The following PROM1 variants were observed in gnomAD, a reference collection of about 807,000 sequenced individuals.
The protein encoded by PROM1 is prominin 1.
PROM1 carries 105 observed loss-of-function variants against 116.9 expected under a neutral mutation model. The observed-to-expected ratio is 0.90, with a 90% CI of 0.77 to 1.06. The LOEUF is 1.06. PROM1 is among the 50% of genes least tolerant of loss of function. The probability of loss-of-function intolerance (pLI) is 0.00; values close to 1 mark genes in which losing one functional copy is unlikely to be tolerated. For missense variants in PROM1, 1,122 were observed against 1,045.2 expected (o/e 1.07, Z -1.01); for synonymous variants, 393 against 387.0 (o/e 1.02, Z -0.18).
At chr4:16,081,922 CAAG>C (rs5856335) in intron 1 of PROM1, among the ~76,000 whole-genome samples, 102,947 of 150,048 alleles carry the variant, frequency 0.69, 35,885 homozygotes, top group Non-Finnish European at 0.77. Flanking sequence ...AAAAAAAAAA[CAAG>C]AATAAACTAA....
chr4:16,010,469 T>C (rs1193712580), intron 11 of PROM1, among the ~76,000 whole-genome samples: 1 of 152,204 alleles, frequency 6.6e-6, no homozygotes, highest in East Asian at 1.9e-4. Flanking sequence ...AATGGTAGCT[T>C]GGTCCAAAAC....
At chr4:15,969,605 G>C (rs573793939) in intron 27 of PROM1, among the ~76,000 whole-genome samples, 161 of 152,010 alleles carry the variant, frequency 1.1e-3, no homozygotes, top group African/African-American at 3.7e-3. Context: ...TTATTTTTTT[G>C]AGAGGGAGTC....
At chr4:16,080,056 G>C (rs1207257588) in intron 1 of PROM1, 1 of 143,406 alleles carries the variant, frequency 7.0e-6, no homozygotes, top group East Asian at 2.1e-4. Flanking sequence ...AGCAAACGTA[G>C]TGGTGCACAA....
In PROM1 at chr4:15,988,168, G is replaced by A. The variant is rs534059829; in HGVS notation, c.2077-452C>T. Among the ~76,000 whole-genome samples the A allele has an allele frequency of 1.5e-4, 23 of 152,204 alleles. No individual in the cohort carries two copies. The South Asian group carries it at 2.3e-3, about 15-fold the overall frequency. On this transcript the variant is annotated intron_variant, in intron 19 of 27. Transcript: ENST00000447510. ...TGGGATTACAGGTGTGAGCCACCGC[G>A]CCTGGCCAACAATGTGTACTTTCTA... is the stretch of plus-strand genomic sequence containing the variant.
intron 26 of PROM1, among the ~76,000 whole-genome samples, chr4:15,973,804 T>C (rs886142659): frequency 2.0e-5 from 3 of 152,152 alleles, no homozygotes; most frequent in Admixed American, 6.5e-5. Flanking sequence ...GCTCAAATCA[T>C]AGCTTGGCCC....
intron 1 of PROM1, among the ~76,000 whole-genome samples, chr4:16,079,095 T>G (rs1405019863): frequency 6.6e-6 from 1 of 152,130 alleles, no homozygotes; most frequent in Non-Finnish European, 1.5e-5. Context: ...CTTGGTTTTT[T>G]TTTTTGCTAA....
intron 2 of PROM1, among the ~76,000 whole-genome samples, chr4:16,041,763 T>A (rs13140068): frequency 0.33 from 19,518 of 59,770 alleles, 1,859 homozygotes; most frequent in Middle Eastern, 0.47. Context: ...AATAAATAAA[T>A]AAATAAATAA....
At chr4:15,998,337 G>T in intron 15 of PROM1, 48 bp downstream of exon 15, 1 of 1,486,814 alleles carries the variant, frequency 6.7e-7, no homozygotes. Flanking sequence ...TCTCATTCCA[G>T]AAAAAGAACA....
At chr4:16,005,078 T>G (rs1470509625) in intron 13 of PROM1, among the ~76,000 whole-genome samples, 1 of 150,718 alleles carries the variant, frequency 6.6e-6, no homozygotes, top group African/African-American at 2.4e-5. Flanking sequence ...TTCTCGTGCC[T>G]CAGCCTCCCA....
chr4:16,040,082 T>A (rs1734854891), intron 2 of PROM1, among the ~76,000 whole-genome samples: 1 of 152,138 alleles, frequency 6.6e-6, no homozygotes. Flanking sequence ...TATCACTATA[T>A]CCATCACGCC....
Position 16,035,763 on chromosome 4 carries a change from TG to T in PROM1, c.277-3del. 1.2e-6 allele frequency: 2 copies of T among 1,613,530 alleles called. No homozygotes were observed. The highest frequency in any genetic ancestry group is 1.7e-6 in the Non-Finnish European group (2 of 1,179,558). ...TAGACCTAAGATTACAGTTTCTGGCTGTAGAAGTCAACGCAGGTGAGGAATT... is the reference window on the plus strand; with the variant it reads ...TAGACCTAAGATTACAGTTTCTGGCTTAGAAGTCAACGCAGGTGAGGAATT... On this transcript the variant is annotated splice_polypyrimidine_tract_variant and splice_region_variant and intron_variant, in intron 3 of 27. Transcript: ENST00000447510.
rs572591981 is a variant in PROM1 at position 16,025,435 on chromosome 4, C to T, written c.510-123G>A. On this transcript the variant is annotated intron_variant, in intron 5 of 27. Transcript: ENST00000447510. The stretch of plus-strand genomic sequence containing the variant: ...GCAGAAGGACTGGCCTTTCCTCTCC[C>T]GCTGCCCTCTCCTCCCACATCCTTC... The T allele has an allele frequency of 8.0e-4, 955 of 1,198,776 alleles. 2 individuals are homozygous for T. The highest frequency in any genetic ancestry group is 1.0e-3 in the Non-Finnish European group (886 of 863,116). The allele number at this position is 1,198,776 out of a possible 1,614,324, so 74.3% of individuals were successfully genotyped here.
At chr4:15,978,727 C>T (rs1716896901) in intron 26 of PROM1, among the ~76,000 whole-genome samples, 1 of 152,202 alleles carries the variant, frequency 6.6e-6, no homozygotes, top group Admixed American at 6.5e-5. Flanking sequence ...GGACAGCCCA[C>T]TGCTGCCCTG....
intron 13 of PROM1, among the ~76,000 whole-genome samples, chr4:16,004,583 A>C (rs1343150383): frequency 6.6e-6 from 1 of 152,220 alleles, no homozygotes; most frequent in Non-Finnish European, 1.5e-5. Flanking sequence ...CAAACAACCA[A>C]GTTAAATTGT....
intron 15 of PROM1, among the ~76,000 whole-genome samples, chr4:15,997,678 T>G (rs1171446885): frequency 6.6e-6 from 1 of 152,144 alleles, no homozygotes; most frequent in African/African-American, 2.4e-5. Flanking sequence ...TTGGTCAGTC[T>G]GGTCTCGAAC....
At chr4:16,057,541 C>A (rs1375999409) in intron 2 of PROM1, among the ~76,000 whole-genome samples, 5 of 152,196 alleles carry the variant, frequency 3.3e-5, no homozygotes, top group African/African-American at 1.2e-4. Context: ...TCTCCACAGG[C>A]TTCTTCAACA....
intron 13 of PROM1, 68 bp downstream of exon 13, chr4:16,006,470 C>T: frequency 1.3e-6 from 2 of 1,482,488 alleles, no homozygotes; most frequent in Non-Finnish European, 9.0e-7. Flanking sequence ...TCATGTAACA[C>T]CAGAGTCAGC....
intron 2 of PROM1, among the ~76,000 whole-genome samples, chr4:16,045,121 GAA>G (rs1217440691): frequency 6.6e-6 from 1 of 152,102 alleles, no homozygotes; most frequent in African/African-American, 2.4e-5. Context: ...GGCACAGAAT[GAA>G]AGTGTCCCGT....
At chr4:15,980,886 C>G (rs1717695418) in intron 23 of PROM1, among the ~76,000 whole-genome samples, 1 of 152,080 alleles carries the variant, frequency 6.6e-6, no homozygotes, top group Non-Finnish European at 1.5e-5. Context: ...GTTGCCCGAC[C>G]ATCCAGTAAT....
Sources: gnomAD v4.1 joint callset for allele counts (sites outside exome capture counted in the v4.1 genomes callset) on GRCh38, gnomAD v4.1.1 for gene constraint, MANE v1.5 for transcripts, NCBI Gene and HGNC (gene_info 2026-07-23, HGNC 2026-07-21) for gene names.